PLXNA2: variants seen among roughly 807,000 people sequenced by gnomAD.
PLXNA2 encodes the protein plexin A2.
Under a neutral mutation model 193.5 loss-of-function variants are expected in PLXNA2, and 91 were observed. The observed-to-expected ratio is 0.47, with a 90% confidence interval of 0.40 to 0.56. The LOEUF is 0.56. Ranked by LOEUF, PLXNA2 falls within the 20% of genes least tolerant of loss-of-function variation. The pLI is 0.00. For missense variants in PLXNA2, 1,995 were observed against 2,503.2 expected, an observed-to-expected ratio of 0.80 and a Z score of 4.33; for synonymous variants, 997 against 1,027.3, an observed-to-expected ratio of 0.97 and a Z score of 0.56.
intron 3 of PLXNA2, among the ~76,000 whole-genome samples, chr1:208,206,347 ATATATCACAGAG>A (rs1175069454): frequency 3.9e-5 from 6 of 152,254 alleles, no homozygotes; most frequent in Admixed American, 2.6e-4. Flanking sequence ...TGTTGAAGCA[ATATATCACAGAG>A]TTGGCTCATG....
At chr1:208,184,875 C>T (rs151179766) in intron 3 of PLXNA2, among the ~76,000 whole-genome samples, 26 of 152,310 alleles carry the variant, frequency 1.7e-4, no homozygotes, top group African/African-American at 5.8e-4. Flanking sequence ...ATGGTCCCAG[C>T]TAAATAGGCA....
intron 9 of PLXNA2, among the ~76,000 whole-genome samples, chr1:208,091,495 T>C (rs1666707360): frequency 6.6e-6 from 1 of 152,180 alleles, no homozygotes; most frequent in African/African-American, 2.4e-5. Flanking sequence ...ATTTGCTAAA[T>C]AAGACATTGA....
chr1:208,033,073 G>A (rs1159338429), intron 28 of PLXNA2, among the ~76,000 whole-genome samples: 10 of 121,434 alleles, frequency 8.2e-5, no homozygotes, highest in African/African-American at 2.6e-4. Context: ...TTTTTTTTTC[G>A]TTAGTGGAGA....
chr1:208,231,350 C>T (rs1342726108), intron 1 of PLXNA2, among the ~76,000 whole-genome samples: 1 of 151,774 alleles, frequency 6.6e-6, no homozygotes. Context: ...AGGAGGGAAG[C>T]GGGAGGGAGG....
intron 12 of PLXNA2, among the ~76,000 whole-genome samples, chr1:208,064,187 T>C (rs72739465): frequency 0.053 from 8,093 of 152,306 alleles, 302 homozygotes; most frequent in Non-Finnish European, 0.082. Context: ...TTTGAGTCCA[T>C]GTGTTCCAGA....
chr1:208,060,941 T>G, intron 12 of PLXNA2, 104 bp from the exon 13 acceptor site: 2 of 959,652 alleles, frequency 2.1e-6, no homozygotes, highest in East Asian at 2.6e-5. Flanking sequence ...CCATAGGTTC[T>G]TAAATTCCTC....
At chr1:208,048,584 G>T (rs1017688646) in intron 17 of PLXNA2, among the ~76,000 whole-genome samples, 1 of 152,168 alleles carries the variant, frequency 6.6e-6, no homozygotes, top group Non-Finnish European at 1.5e-5. Context: ...TGGAGGAAGC[G>T]CTGAGAACAT....
chr1:208,079,055 C>T (rs1451396252), intron 12 of PLXNA2, among the ~76,000 whole-genome samples: 1 of 152,208 alleles, frequency 6.6e-6, no homozygotes, highest in East Asian at 1.9e-4. Context: ...CATGCGCAGG[C>T]ATGAGGATGC....
intron 3 of PLXNA2, among the ~76,000 whole-genome samples, chr1:208,146,386 T>A (rs1476650521): frequency 2.0e-5 from 3 of 152,212 alleles, no homozygotes; most frequent in Admixed American, 6.5e-5. Flanking sequence ...CTGGAGCTAA[T>A]CTTGTCTAAA....
At chr1:208,083,676 C>T (rs1208062967) in intron 10 of PLXNA2, among the ~76,000 whole-genome samples, 1 of 152,102 alleles carries the variant, frequency 6.6e-6, no homozygotes, top group African/African-American at 2.4e-5. Flanking sequence ...AGCTGACCCC[C>T]CACAGTCAGA....
intron 4 of PLXNA2, among the ~76,000 whole-genome samples, chr1:208,107,508 C>T (rs969507111): frequency 1.6e-4 from 24 of 152,158 alleles, no homozygotes; most frequent in Non-Finnish European, 1.9e-4. Context: ...GTTCAAGCCT[C>T]CGCAGTCAGG....
chr1:208,146,374 T>C (rs1297561122), intron 3 of PLXNA2, among the ~76,000 whole-genome samples: 1 of 152,186 alleles, frequency 6.6e-6, no homozygotes, highest in African/African-American at 2.4e-5. Flanking sequence ...TTATAAAAAT[T>C]ACTGGAGCTA....
chr1:208,109,187 C>T (rs1667382486), intron 4 of PLXNA2, among the ~76,000 whole-genome samples: 1 of 152,246 alleles, frequency 6.6e-6, no homozygotes, highest in East Asian at 1.9e-4. Flanking sequence ...ACCAGTTGGC[C>T]TCATCAACAG....
rs145776228 is a variant in PLXNA2 at position 208,132,209 on chromosome 1, A to G, written c.1506+10120T>C. On this transcript the variant is annotated intron_variant, in intron 4 of 31. Transcript: ENST00000367033. ...ATTGGTTTTTTAAACTAAACAGTGC[A>G]CTACTCCAATCTCCTTGAAGGTGTC... Among the ~76,000 whole-genome samples, 601 of 152,240 alleles carry G rather than the reference A, an allele frequency of 3.9e-3. 3 individuals carry two copies. Among genetic ancestry groups the G allele is most frequent in the Non-Finnish European group, 6.9e-3 (472 of 68,008 alleles).
At chr1:208,225,383 G>A (rs757362110) in intron 1 of PLXNA2, among the ~76,000 whole-genome samples, 2 of 152,114 alleles carry the variant, frequency 1.3e-5, no homozygotes, top group Non-Finnish European at 1.5e-5. Context: ...GCTCCTTGCA[G>A]CCTCCATCTC....
rs1347100147 is a variant in PLXNA2 at position 208,044,023 on chromosome 1, G to A, written c.3874+485C>T. ...CCACAGCCAAGGACACCAGCAAGTG[G>A]CGGCCTTCAGAGCGCTCAGCCTGCA... On this transcript the variant is annotated intron_variant, in intron 20 of 31. Transcript: ENST00000367033. This position sits in a 1 kb window ranked among gnomAD's most constrained non-coding sequence, Gnocchi z 4.9. 2.0e-5 allele frequency among the ~76,000 whole-genome samples: 3 copies of A among 152,236 alleles called. No individual in the cohort carries two copies. Among genetic ancestry groups the A allele is most frequent in the Non-Finnish European group, 4.4e-5 (3 of 68,046 alleles).
At chr1:208,203,178 A>G (rs886758821) in intron 3 of PLXNA2, among the ~76,000 whole-genome samples, 2 of 152,244 alleles carry the variant, frequency 1.3e-5, no homozygotes, top group Admixed American at 1.3e-4. Context: ...TCAGAAGACC[A>G]GTTCTGGGGA....
At chr1:208,240,481 CG>C (rs1672011749) in intron 1 of PLXNA2, among the ~76,000 whole-genome samples, 1 of 152,008 alleles carries the variant, frequency 6.6e-6, no homozygotes, top group African/African-American at 2.4e-5. Context: ...ATCTTTGTAA[CG>C]AAGTGAAAAA....
At chr1:208,116,308 T>C (rs1667638443) in intron 4 of PLXNA2, among the ~76,000 whole-genome samples, 1 of 152,278 alleles carries the variant, frequency 6.6e-6, no homozygotes, top group Non-Finnish European at 1.5e-5. Flanking sequence ...TTTAGATTAC[T>C]TATAGGGCTC....
Sources: allele counts gnomAD v4.1 joint callset (sites outside exome capture counted in the v4.1 genomes callset), GRCh38; gene constraint gnomAD v4.1.1; non-coding constraint Gnocchi (gnomAD v3.1); transcripts MANE v1.5; gene names NCBI Gene and HGNC (gene_info 2026-07-23, HGNC 2026-07-21).